The following SRRM3 variants were observed in gnomAD, a reference collection of about 807,000 sequenced individuals.
The protein encoded by SRRM3 is serine/arginine repetitive matrix protein 3.
Under a neutral mutation model 66.2 loss-of-function variants are expected in SRRM3, and 27 were observed. That is an observed-to-expected ratio of 0.41 (90% CI 0.30 to 0.56). SRRM3 has a LOEUF of 0.56. Among genes scored for constraint, SRRM3 ranks in the 20% least tolerant of loss-of-function variants. SRRM3 has a pLI of 0.32. For synonymous variants in SRRM3, 391 were observed against 414.9 expected (o/e 0.94, Z 0.70); for missense variants, 918 against 991.9 (o/e 0.93, Z 1.00).
chr7:76,252,839 T>A (rs1554607073), intron 3 of SRRM3, among the ~76,000 whole-genome samples: 1 of 152,148 alleles, frequency 6.6e-6, no homozygotes, highest in Non-Finnish European at 1.5e-5. Context: ...GGGCTATGAA[T>A]GGGATTGTGA....
In SRRM3 at chr7:76,282,958, C is replaced by G; in HGVS notation, c.1596-6C>G. 7.4e-7 allele frequency: 1 copy of G among 1,352,902 alleles called. No homozygotes were observed. The highest frequency in any genetic ancestry group is 9.5e-7 in the Non-Finnish European group (1 of 1,057,348). 83.8% of individuals were successfully genotyped at this position (1,352,902 alleles called of 1,614,324 possible). On this transcript the variant is annotated splice_polypyrimidine_tract_variant and splice_region_variant and intron_variant, in intron 13 of 14. Coordinates refer to ENST00000611745, the MANE Select transcript of SRRM3 (RefSeq NM_001110199.3). ...GTCGCTCACTTACCTCGCGCCGGCC[C>G]CGCAGGGACAAGGACGGCGAGGGCC...
chr7:76,256,716 C>CA (rs1554607728), intron 3 of SRRM3, among the ~76,000 whole-genome samples: 2 of 133,642 alleles, frequency 1.5e-5, no homozygotes, highest in African/African-American at 5.5e-5. Flanking sequence ...GCTTCTTTTT[C>CA]TTTTTTTTTT....
chr7:76,284,876 G>A (rs117970529), intron 14 of SRRM3, among the ~76,000 whole-genome samples: 3 of 152,294 alleles, frequency 2.0e-5, no homozygotes, highest in East Asian at 3.9e-4. Flanking sequence ...GGACTGGACC[G>A]GACCGTGGGC....
rs1554611874 is a variant in SRRM3 at position 76,281,355 on chromosome 7, G to GTCTGTCTCCTCTCTTCTCTCTCTGTC, written c.1009-77_1009-52dup. ...CTCTTTCTTTCAATCTCTCTCTCCC[G>GTCTGTCTCCTCTCTTCTCTCTCTGTC]TCTGTCTCCTCTCTTCTCTCTCTGT... is the stretch of plus-strand genomic sequence containing the variant. On this transcript the variant is annotated intron_variant, in intron 11 of 14. Transcript: ENST00000611745. The GTCTGTCTCCTCTCTTCTCTCTCTGTC allele has an allele frequency of 5.2e-6, 5 of 970,824 alleles. No individual in the cohort carries two copies. In the Admixed American group the frequency reaches 1.6e-4, roughly 30 times the overall value. 60.1% of individuals were successfully genotyped at this position (970,824 alleles called of 1,614,324 possible). A position where few individuals can be genotyped will look rare whatever the true frequency, so the allele number is the denominator to read the frequency against.
chr7:76,203,479 C>A (rs535770642), intron 1 of SRRM3, among the ~76,000 whole-genome samples: 1 of 152,144 alleles, frequency 6.6e-6, no homozygotes, highest in Non-Finnish European at 1.5e-5. Flanking sequence ...ACTACTTTTA[C>A]GGTATAAAAT....
intron 10 of SRRM3, among the ~76,000 whole-genome samples, chr7:76,266,501 T>C (rs1377963045): frequency 2.8e-5 from 3 of 108,240 alleles, no homozygotes; most frequent in Middle Eastern, 3.8e-3. Context: ...TTTATATATT[T>C]AATATATAAA....
intron 1 of SRRM3, among the ~76,000 whole-genome samples, chr7:76,225,224 C>T (rs1800828717): frequency 6.6e-6 from 1 of 152,176 alleles, no homozygotes; most frequent in Non-Finnish European, 1.5e-5. Context: ...ACTCCAAGTC[C>T]TTGTCCTGGT....
At chr7:76,281,403 T>TC (rs370237933) in intron 11 of SRRM3, 38 bp from the exon 12 acceptor site, 12,594 of 1,183,690 alleles carry the variant, frequency 0.011, 112 homozygotes, top group Middle Eastern at 0.054. Flanking sequence ...CGTCTCCCTC[T>TC]CCCCCCTCCG....
chr7:76,260,470 G>T (rs1483752492), intron 5 of SRRM3, among the ~76,000 whole-genome samples: 1 of 93,048 alleles, frequency 1.1e-5, no homozygotes, highest in African/African-American at 4.2e-5. Flanking sequence ...CCCCTTCTCT[G>T]GGGCCCGCCC....
intron 2 of SRRM3, among the ~76,000 whole-genome samples, chr7:76,246,005 CTTATTCA>C (rs1801431714): frequency 6.6e-6 from 1 of 151,920 alleles, no homozygotes; most frequent in Non-Finnish European, 1.5e-5. Flanking sequence ...GCCAGTAGGT[CTTATTCA>C]TTCTATTTTT....
intron 2 of SRRM3, among the ~76,000 whole-genome samples, chr7:76,236,513 A>G (rs1554604950): frequency 2.0e-5 from 3 of 152,044 alleles, no homozygotes; most frequent in Non-Finnish European, 4.4e-5. Flanking sequence ...AGTCCTTCCA[A>G]GCCACACCTT....
chr7:76,221,278 C>T (rs1800709365), intron 1 of SRRM3, among the ~76,000 whole-genome samples: 1 of 151,690 alleles, frequency 6.6e-6, no homozygotes, highest in South Asian at 2.1e-4. Flanking sequence ...TGGTCTCGAA[C>T]TCCTGACCTC....
chr7:76,286,744 AAAAGC>A lies in SRRM3; in HGVS notation c.*906_*910del, dbSNP rs1435263730. 1 of 152,410 alleles carries A rather than the reference AAAAGC, an allele frequency of 6.6e-6. No homozygotes were observed. The highest frequency in any genetic ancestry group is 1.5e-5 in the Non-Finnish European group (1 of 68,148). The allele number at this position is 152,410 out of a possible 1,614,324, so 9.4% of individuals were successfully genotyped here. On this transcript the variant is annotated 3_prime_UTR_variant, in exon 15 of 15. Transcript: ENST00000611745. ...GGAGGTGGAATCTGTAGGAAAGAGAAAAAGCAAAGTCGTTCACTGACTGAGTAGCC... is the reference window on the plus strand; with the variant it reads ...GGAGGTGGAATCTGTAGGAAAGAGAAAAAGTCGTTCACTGACTGAGTAGCC...
chr7:76,251,017 A>T (rs1250539607), intron 3 of SRRM3, among the ~76,000 whole-genome samples: 1 of 152,118 alleles, frequency 6.6e-6, no homozygotes. Context: ...GGGCCCTTTC[A>T]TCTGTCAGTG....
intron 11 of SRRM3, chr7:76,269,794 A>C (rs1391387852): frequency 6.8e-6 from 1 of 146,616 alleles, no homozygotes. Context: ...AGAAATGCAA[A>C]CTATCTCTCT....
intron 2 of SRRM3, among the ~76,000 whole-genome samples, chr7:76,239,223 G>A (rs1315990683): frequency 7.9e-5 from 12 of 151,768 alleles, no homozygotes; most frequent in Non-Finnish European, 1.3e-4. Context: ...TAGTAGAAAC[G>A]GGGTTTCACC....
chr7:76,224,914 A>G (rs112826365), intron 1 of SRRM3, among the ~76,000 whole-genome samples: 1,858 of 152,282 alleles, frequency 0.012, 32 homozygotes, highest in African/African-American at 0.04. Context: ...AGACCACATG[A>G]GTAAACAAGT....
intron 3 of SRRM3, among the ~76,000 whole-genome samples, chr7:76,258,590 T>G (rs1355330689): frequency 6.6e-6 from 1 of 151,576 alleles, no homozygotes; most frequent in Admixed American, 6.6e-5. Flanking sequence ...GGTGCATGCC[T>G]GTAGTCCCAG....
Position 76,235,173 on chromosome 7 carries a change from A to T in SRRM3, c.107A>T (p.Glu36Val). 6.4e-7 allele frequency: 1 copy of T among 1,551,504 alleles called. No homozygotes were observed. Among genetic ancestry groups the T allele is most frequent in the Middle Eastern group, 2.3e-4 (1 of 4,400 alleles). Reference sequence around the variant, plus strand: ...TCCTCGGGGACCTGGCCGCGGGCGGAAGAGGAGCTGCGCGCCGCGGAGCCG... The same window carrying T: ...TCCTCGGGGACCTGGCCGCGGGCGGTAGAGGAGCTGCGCGCCGCGGAGCCG... ...SSSSGTWPRAEEELRAAEPGL... is the reference protein window; with the variant it reads ...SSSSGTWPRAVEELRAAEPGL... Residue 36 changes from glutamate (E) to valine (V), a missense_variant, in exon 2 of 15, where the codon GAA becomes GTA. Transcript: ENST00000611745.
Sources: gnomAD v4.1 joint callset for allele counts (sites outside exome capture counted in the v4.1 genomes callset) on GRCh38, gnomAD v4.1.1 for gene constraint, MANE v1.5 for transcripts, NCBI Gene and HGNC (gene_info 2026-07-23, HGNC 2026-07-21) for gene names.